The following ADK variants were observed in gnomAD, a reference collection of about 807,000 sequenced individuals.
ADK encodes the protein N6,N6-dimethyladenosine kinase.
Under a neutral mutation model 44.7 loss-of-function variants are expected in ADK, and 24 were observed. The ratio of observed to expected loss-of-function variants is 0.54; its 90% CI spans 0.39 to 0.76. The LOEUF (loss-of-function observed/expected upper bound fraction) is 0.76, where lower values mean the gene tolerates loss of function less well. Among genes scored for constraint, ADK ranks in the 30% least tolerant of loss-of-function variants. The pLI, the probability that ADK is intolerant of heterozygous loss-of-function variation, is 0.00. For synonymous variants in ADK, 128 were observed against 142.6 expected, an observed-to-expected ratio of 0.90 and a Z score of 0.73; for missense variants, 321 against 425.1, an observed-to-expected ratio of 0.76 and a Z score of 2.15.
rs551698387 is a variant in ADK at position 74,686,096 on chromosome 10, G to A, written c.964+15827G>A. ...CCTTCCTCAGCCTCCCGAGTAGCTG[G>A]GACTGCAGGTGCCCACCACCACGCC... On this transcript the variant is annotated intron_variant, in intron 10 of 10. Transcript: ENST00000539909. 9.5e-4 allele frequency among the ~76,000 whole-genome samples: 145 copies of A among 152,054 alleles called. 1 individual carries two copies. The highest frequency in any genetic ancestry group is 3.4e-3 in the Middle Eastern group (1 of 294).
At chr10:74,385,189 A>G (rs1428041361) in intron 4 of ADK, among the ~76,000 whole-genome samples, 1 of 151,930 alleles carries the variant, frequency 6.6e-6, no homozygotes, top group Non-Finnish European at 1.5e-5. Context: ...ATATCTCAAT[A>G]AATTTTTTTA....
intron 7 of ADK, among the ~76,000 whole-genome samples, chr10:74,543,574 C>T (rs764648200): frequency 2.0e-5 from 3 of 152,138 alleles, no homozygotes; most frequent in Non-Finnish European, 4.4e-5. Context: ...GTGCATATAA[C>T]GTTTTGTTAG....
At chr10:74,231,527 G>A (rs891960933) in intron 3 of ADK, among the ~76,000 whole-genome samples, 3 of 147,724 alleles carry the variant, frequency 2.0e-5, no homozygotes, top group East Asian at 2.0e-4. Context: ...GAGTGCAGTG[G>A]CGTGATCATG....
chr10:74,223,816 C>T (rs192395472), intron 2 of ADK, among the ~76,000 whole-genome samples: 8 of 152,148 alleles, frequency 5.3e-5, no homozygotes, highest in South Asian at 2.1e-4. Context: ...AGGCCGGGTA[C>T]GGTGACTCAT....
intron 7 of ADK, among the ~76,000 whole-genome samples, chr10:74,535,668 C>T (rs1849425698): frequency 6.6e-6 from 1 of 151,020 alleles, no homozygotes; most frequent in Non-Finnish European, 1.5e-5. Context: ...CTGCAACCTC[C>T]ACTTCCCAGG....
chr10:74,600,374 A>T lies in ADK; in HGVS notation c.763-5A>T, dbSNP rs1470902885. The stretch of plus-strand genomic sequence containing the variant: ...TGAGAATTTTTTCCTTCCTTCTATT[A>T]ATAGACTAAAGACATTAAAGAGATA... On this transcript the variant is annotated splice_polypyrimidine_tract_variant and splice_region_variant and intron_variant, in intron 8 of 10. Coordinates refer to ENST00000539909, the MANE Select transcript of ADK (RefSeq NM_006721.4). 8 of 1,595,656 alleles carry T rather than the reference A, an allele frequency of 5.0e-6. No individual in the cohort carries two copies. Among genetic ancestry groups the T allele is most frequent in the Non-Finnish European group, 6.9e-6 (8 of 1,166,578 alleles).
chr10:74,667,875 C>A (rs1013843652), intron 9 of ADK, among the ~76,000 whole-genome samples: 9 of 152,056 alleles, frequency 5.9e-5, no homozygotes, highest in Non-Finnish European at 1.3e-4. Context: ...ATAATCTCTT[C>A]CGTTGTCGAT....
At chr10:74,400,484 A>G (rs2132869932) in intron 6 of ADK, among the ~76,000 whole-genome samples, 1 of 152,298 alleles carries the variant, frequency 6.6e-6, no homozygotes, top group Middle Eastern at 3.4e-3. Flanking sequence ...TTCCTTTTGA[A>G]ATACAATGTT....
chr10:74,493,501 GATAT>G (rs1021933523), intron 6 of ADK, among the ~76,000 whole-genome samples: 12 of 150,722 alleles, frequency 8.0e-5, no homozygotes, highest in African/African-American at 2.4e-4. Context: ...TATAGAGAGA[GATAT>G]AGATATATAG....
intron 10 of ADK, among the ~76,000 whole-genome samples, chr10:74,684,540 G>A (rs998282037): frequency 1.3e-5 from 2 of 152,156 alleles, no homozygotes; most frequent in Non-Finnish European, 2.9e-5. Flanking sequence ...GGAGGCCAAG[G>A]CAGGAAGATT....
At chr10:74,606,786 C>T (rs1852337873) in intron 9 of ADK, among the ~76,000 whole-genome samples, 3 of 151,992 alleles carry the variant, frequency 2.0e-5, no homozygotes, top group African/African-American at 2.4e-5. Context: ...TCCTGAATAT[C>T]GTTGTTAATT....
At chr10:74,342,348 A>G (rs551993440) in intron 4 of ADK, among the ~76,000 whole-genome samples, 2 of 152,318 alleles carry the variant, frequency 1.3e-5, no homozygotes, top group African/African-American at 4.8e-5. Flanking sequence ...TAAATTTTAC[A>G]CTGTAAAGAA....
Position 74,708,433 on chromosome 10 carries a change from A to G in ADK, c.1077A>G (p.Pro359=). 6.2e-7 allele frequency: 1 copy of G among 1,611,876 alleles called. No homozygotes were observed. Among genetic ancestry groups the G allele is most frequent in the Admixed American group, 1.7e-5 (1 of 59,976 alleles). ...RRTGCTFPEK[P]DFH ...CTGGCTGCACCTTTCCTGAGAAGCC[A>G]GACTTCCACTGATGGAAGAGCTGAA... The change falls in exon 11 of 11, where the codon CCA becomes CCG. Residue 359 remains proline, a synonymous_variant. Transcript: ENST00000539909.
intron 1 of ADK, among the ~76,000 whole-genome samples, chr10:74,180,422 A>G (rs1842498533): frequency 7.4e-6 from 1 of 134,452 alleles, no homozygotes; most frequent in Non-Finnish European, 1.6e-5. Context: ...TATTTTTGGT[A>G]GAGACGGAGT....
At chr10:74,230,512 C>T (rs1844719866) in intron 3 of ADK, among the ~76,000 whole-genome samples, 1 of 150,964 alleles carries the variant, frequency 6.6e-6, no homozygotes, top group Non-Finnish European at 1.5e-5. Context: ...CGCTTTGTCA[C>T]CCAGGCTAGA....
intron 10 of ADK, among the ~76,000 whole-genome samples, chr10:74,688,985 G>A (rs1855887974): frequency 6.6e-6 from 1 of 152,024 alleles, no homozygotes; most frequent in African/African-American, 2.4e-5. Flanking sequence ...GGGCATGGTG[G>A]CTCACGCCTG....
intron 6 of ADK, 77 bp from the exon 7 acceptor site, chr10:74,525,179 A>G: frequency 3.7e-6 from 5 of 1,369,402 alleles, no homozygotes; most frequent in Admixed American, 1.8e-5. Context: ...TGTATTTTGT[A>G]TAGGTTTCTT....
intron 3 of ADK, among the ~76,000 whole-genome samples, chr10:74,228,327 A>G (rs2132256311): frequency 6.6e-6 from 1 of 152,344 alleles, no homozygotes; most frequent in South Asian, 2.1e-4. Context: ...AAGTAGAGAA[A>G]GCTGAGCAAT....
intron 1 of ADK, among the ~76,000 whole-genome samples, chr10:74,184,630 C>T (rs909770680): frequency 3.9e-5 from 6 of 151,974 alleles, no homozygotes; most frequent in African/African-American, 1.5e-4. Context: ...TCAAGTGATC[C>T]TCCCGCCTCA....
Sources: allele counts gnomAD v4.1 joint callset (sites outside exome capture counted in the v4.1 genomes callset), GRCh38; gene constraint gnomAD v4.1.1; transcripts MANE v1.5; gene names NCBI Gene and HGNC (gene_info 2026-07-23, HGNC 2026-07-21).